The following OSBPL3 variants were observed in gnomAD, a reference collection of about 807,000 sequenced individuals.
OSBPL3 encodes oxysterol-binding protein-related protein 3.
A neutral mutation model predicts 120.1 loss-of-function variants in OSBPL3; 65 were observed. That is an observed-to-expected ratio of 0.54 (90% CI 0.44 to 0.67). The LOEUF (loss-of-function observed/expected upper bound fraction) is 0.67. OSBPL3 is among the 30% of genes least tolerant of loss of function. The pLI is 0.00. For missense variants in OSBPL3, 1,004 were observed against 1,082.1 expected, an observed-to-expected ratio of 0.93 and a Z score of 1.01; for synonymous variants, 416 against 402.6, an observed-to-expected ratio of 1.03 and a Z score of -0.40.
chr7:24,829,432 A>G (rs903333076), intron 16 of OSBPL3, among the ~76,000 whole-genome samples: 1 of 152,226 alleles, frequency 6.6e-6, no homozygotes, highest in African/African-American at 2.4e-5. Flanking sequence ...TTTGAGTTCC[A>G]GAGAACACTC....
At chr7:24,926,814 G>T (rs1229833552) in intron 1 of OSBPL3, among the ~76,000 whole-genome samples, 1 of 152,152 alleles carries the variant, frequency 6.6e-6, no homozygotes, top group East Asian at 1.9e-4. Context: ...GGAGGACCTG[G>T]TCTCTATGAT....
chr7:24,980,054 G>C lies in OSBPL3; in HGVS notation c.-318C>G, dbSNP rs1454754563. ...TCGGGGGCGGGGATGGCCACTTGCA[G>C]ACAGACTGCGGGGCCGGAGCCGCGC... On this transcript the variant is annotated 5_prime_UTR_variant, in exon 1 of 23. Coordinates refer to ENST00000313367, the MANE Select transcript of OSBPL3 (RefSeq NM_015550.4). 1.0e-6 allele frequency: 1 copy of C among 985,178 alleles called. No individual in the cohort carries two copies. Among genetic ancestry groups the C allele is most frequent in the African/African-American group, 1.7e-5 (1 of 57,210 alleles). The allele number at this position is 985,178 out of a possible 1,614,324, so 61.0% of individuals were successfully genotyped here.
intron 10 of OSBPL3, among the ~76,000 whole-genome samples, chr7:24,859,714 T>G (rs73087746): frequency 1.3e-5 from 2 of 152,184 alleles, no homozygotes; most frequent in South Asian, 4.1e-4. Context: ...ATTTATGCAA[T>G]AGAGATCATA....
chr7:24,848,784 A>G (rs373900346), intron 12 of OSBPL3, among the ~76,000 whole-genome samples: 1 of 127,532 alleles, frequency 7.8e-6, no homozygotes, highest in Non-Finnish European at 1.7e-5. Flanking sequence ...CTCCAGTACC[A>G]CTAGTGAAAG....
At chr7:24,970,544 A>G (rs1178785756) in intron 1 of OSBPL3, among the ~76,000 whole-genome samples, 1 of 152,198 alleles carries the variant, frequency 6.6e-6, no homozygotes, top group Non-Finnish European at 1.5e-5. Context: ...AAGTAGAGAA[A>G]AGATGGATCA....
chr7:24,941,341 A>G (rs756703569), intron 1 of OSBPL3, among the ~76,000 whole-genome samples: 3 of 152,232 alleles, frequency 2.0e-5, no homozygotes, highest in Non-Finnish European at 4.4e-5. Flanking sequence ...CAATGCATCT[A>G]GGATATTTCT....
intron 10 of OSBPL3, among the ~76,000 whole-genome samples, chr7:24,856,867 T>A (rs1584396936): frequency 3.9e-5 from 6 of 152,320 alleles, no homozygotes; most frequent in Admixed American, 6.5e-5. Context: ...GTTTCAAACC[T>A]CACAGGATGC....
Position 24,821,582 on chromosome 7 carries a change from C to T in OSBPL3, c.1885-1344G>A, listed in dbSNP as rs116756312. On this transcript the variant is annotated intron_variant, in intron 16 of 22. Transcript: ENST00000313367. The surrounding 1 kb of genome is among the most constrained non-coding windows in gnomAD (Gnocchi z 5.5). ...TGGGAGGATGTGGTCACACACGCCA[C>T]ACCCAGATGTGACTCATGGGATTAC... Among the ~76,000 whole-genome samples, 644 of 152,280 alleles carry T rather than the reference C, an allele frequency of 4.2e-3. 5 individuals carry two copies. Among genetic ancestry groups the T allele is most frequent in the African/African-American group, 0.014 (567 of 41,546 alleles).
chr7:24,902,030 T>TA (rs1308420864), intron 1 of OSBPL3, among the ~76,000 whole-genome samples: 1 of 152,240 alleles, frequency 6.6e-6, no homozygotes, highest in Non-Finnish European at 1.5e-5. Context: ...CCAGCCTTAC[T>TA]AAGTTGCTTT....
At chr7:24,969,944 G>A (rs1443758885) in intron 1 of OSBPL3, among the ~76,000 whole-genome samples, 1 of 151,762 alleles carries the variant, frequency 6.6e-6, no homozygotes, top group Non-Finnish European at 1.5e-5. Flanking sequence ...ATACCACTTG[G>A]GCCCTAATCT....
At position 24,820,941 on chromosome 7, in the gene OSBPL3, T is replaced by C. The variant is rs1366452302; in HGVS notation, c.1885-703A>G. ...AGTAATCTCATTCCAGAAAAGAGAA[T>C]CCCCTGGAGCAGAGAGTGCCCTTTG... On this transcript the variant is annotated intron_variant, in intron 16 of 22. Transcript: ENST00000313367. The surrounding 1 kb of genome is among the most constrained non-coding windows in gnomAD (Gnocchi z 4.6). Among the ~76,000 whole-genome samples the C allele has an allele frequency of 6.6e-6, 1 of 152,150 alleles. No individual in the cohort carries two copies. The highest frequency in any genetic ancestry group is 1.5e-5 in the Non-Finnish European group (1 of 68,028).
At position 24,799,308 on chromosome 7, in the gene OSBPL3, A is replaced by G. The variant is rs1435289419; in HGVS notation, c.*875T>C. 6.6e-6 allele frequency: 1 copy of G among 152,510 alleles called. No individual in the cohort carries two copies. The highest frequency in any genetic ancestry group is 1.9e-4 in the East Asian group (1 of 5,192). The allele number at this position is 152,510 out of a possible 1,614,324, so 9.4% of individuals were successfully genotyped here. Reference sequence around the variant, plus strand: ...TGTATGTTTTATATTAAACTGGGACATTCCATACTCAACAGGGAGGTGATC... The same window carrying G: ...TGTATGTTTTATATTAAACTGGGACGTTCCATACTCAACAGGGAGGTGATC... On this transcript the variant is annotated 3_prime_UTR_variant, in exon 23 of 23. Transcript: ENST00000313367. The surrounding 1 kb of genome is among the most constrained non-coding windows in gnomAD (Gnocchi z 5.3).
At chr7:24,950,460 CG>C (rs1195551151) in intron 1 of OSBPL3, among the ~76,000 whole-genome samples, 1 of 151,900 alleles carries the variant, frequency 6.6e-6, no homozygotes, top group African/African-American at 2.4e-5. Context: ...CGGTGGCTCA[CG>C]CCTGTAATCC....
upstream of OSBPL3, chr7:24,981,608 TGGAACCATCCCCCTCGC>T (rs1818369040): frequency 6.6e-6 from 1 of 152,404 alleles, no homozygotes; most frequent in South Asian, 2.1e-4. The surrounding 1 kb of genome is among the most constrained non-coding windows in gnomAD (Gnocchi z 7.3). Flanking sequence ...CTTCGCTTTC[TGGAACCATCCCCCTCGC>T]GAAATGTCTG....
intron 1 of OSBPL3, among the ~76,000 whole-genome samples, chr7:24,960,266 A>G (rs934863102): frequency 1.3e-5 from 2 of 152,192 alleles, no homozygotes; most frequent in Non-Finnish European, 2.9e-5. Flanking sequence ...CCACCTCATT[A>G]GTCTTCTAAA....
intron 19 of OSBPL3, among the ~76,000 whole-genome samples, chr7:24,810,671 C>G (rs1274927882): frequency 6.6e-6 from 1 of 152,178 alleles, no homozygotes; most frequent in African/African-American, 2.4e-5. Context: ...GATCCTTTGG[C>G]CAGCATTTCC....
intron 10 of OSBPL3, among the ~76,000 whole-genome samples, chr7:24,856,022 A>G (rs1285889538): frequency 6.6e-6 from 1 of 152,222 alleles, no homozygotes; most frequent in African/African-American, 2.4e-5. Context: ...GGACTTAGAA[A>G]GTCCTTCCTG....
intron 1 of OSBPL3, among the ~76,000 whole-genome samples, chr7:24,978,552 T>G (rs2128554093): frequency 6.6e-6 from 1 of 152,306 alleles, no homozygotes; most frequent in South Asian, 2.1e-4. Context: ...TTAGCTTGGA[T>G]GCATAAGAAC....
chr7:24,876,967 T>G (rs1368439913), intron 2 of OSBPL3, among the ~76,000 whole-genome samples: 1 of 152,212 alleles, frequency 6.6e-6, no homozygotes, highest in Non-Finnish European at 1.5e-5. Flanking sequence ...TACATGATCA[T>G]GTTTAATTCC....
Sources: gnomAD v4.1 joint callset for allele counts (sites outside exome capture counted in the v4.1 genomes callset) on GRCh38, gnomAD v4.1.1 for gene constraint, Gnocchi (gnomAD v3.1) non-coding constraint, MANE v1.5 for transcripts, NCBI Gene and HGNC (gene_info 2026-07-23, HGNC 2026-07-21) for gene names.